TRDN: variants seen among roughly 807,000 people sequenced by gnomAD.
TRDN encodes the protein triadin in skeletal muscle.
Under a neutral mutation model 149.7 loss-of-function variants are expected in TRDN, and 161 were observed. That is an observed-to-expected ratio of 1.08 (90% CI 0.95 to 1.23). TRDN has a LOEUF of 1.23. TRDN is among the 50% of genes most tolerant of loss of function. The pLI is 0.00. For synonymous variants in TRDN, 294 were observed against 250.5 expected, an observed-to-expected ratio of 1.17 and a Z score of -1.64; for missense variants, 896 against 823.5, an observed-to-expected ratio of 1.09 and a Z score of -1.08.
At chr6:123,394,674 C>G (rs1010258190) in intron 12 of TRDN, among the ~76,000 whole-genome samples, 3 of 151,906 alleles carry the variant, frequency 2.0e-5, no homozygotes, top group Admixed American at 6.6e-5. Flanking sequence ...TGCTTTACCT[C>G]TTGTTGGTAA....
chr6:123,471,828 TAAAGA>T (rs141529100), intron 9 of TRDN: 4 of 152,264 alleles, frequency 2.6e-5, no homozygotes, highest in Non-Finnish European at 5.9e-5. Context: ...AATGGCCAAC[TAAAGA>T]AAAGAAATAT....
chr6:123,414,084 A>G (rs538610450), intron 12 of TRDN, among the ~76,000 whole-genome samples: 1 of 152,214 alleles, frequency 6.6e-6, no homozygotes, highest in African/African-American at 2.4e-5. Context: ...AATTTCTCTG[A>G]TCTTCAAGTT....
chr6:123,297,133 TAA>T (rs536555143), intron 24 of TRDN, among the ~76,000 whole-genome samples: 245 of 152,250 alleles, frequency 1.6e-3, no homozygotes, highest in Non-Finnish European at 2.4e-3. Flanking sequence ...TATATTATGC[TAA>T]GTTTTCGAGG....
chr6:123,274,686 G>A lies in TRDN; in HGVS notation c.1568-16C>T, dbSNP rs1303265137. The A allele has an allele frequency of 1.2e-6, 2 of 1,603,348 alleles. No individual in the cohort carries two copies. Among genetic ancestry groups the A allele is most frequent in the East Asian group, 2.2e-5 (1 of 44,544 alleles). On this transcript the variant is annotated splice_polypyrimidine_tract_variant and intron_variant, in intron 26 of 40. Coordinates refer to ENST00000334268, the MANE Select transcript of TRDN (RefSeq NM_006073.4). ...ATTTGGGGCTCTGAGGGAGAGAAAA[G>A]GCAGAAAATTTAAAACCTGAAAAAA...
At chr6:123,345,063 AT>A (rs779308517) in intron 21 of TRDN, among the ~76,000 whole-genome samples, 3 of 151,640 alleles carry the variant, frequency 2.0e-5, no homozygotes, top group Non-Finnish European at 2.9e-5. Flanking sequence ...CAACTTATAT[AT>A]TTTTTTTCTT....
At chr6:123,552,852 CT>C (rs1781464004) in intron 2 of TRDN, among the ~76,000 whole-genome samples, 1 of 152,064 alleles carries the variant, frequency 6.6e-6, no homozygotes, top group African/African-American at 2.4e-5. Flanking sequence ...TTATCAATGC[CT>C]TGCTTTCCCA....
chr6:123,516,995 A>G (rs1779440282), intron 5 of TRDN, among the ~76,000 whole-genome samples: 1 of 152,250 alleles, frequency 6.6e-6, no homozygotes, highest in East Asian at 1.9e-4. Context: ...ACAAGAATAT[A>G]GAAAGAACAC....
chr6:123,530,394 T>C, intron 5 of TRDN, 112 bp downstream of exon 5: 1 of 522,370 alleles, frequency 1.9e-6, no homozygotes, highest in East Asian at 5.3e-5. Flanking sequence ...GTAAATTTAG[T>C]TATTTAATAT....
intron 13 of TRDN, among the ~76,000 whole-genome samples, chr6:123,393,083 G>T (rs997387226): frequency 6.6e-6 from 1 of 152,030 alleles, no homozygotes; most frequent in Admixed American, 6.6e-5. Context: ...CATGGTGTGA[G>T]ACGAAACCAC....
At chr6:123,483,667 A>G (rs1339068530) in intron 9 of TRDN, among the ~76,000 whole-genome samples, 4 of 151,980 alleles carry the variant, frequency 2.6e-5, no homozygotes, top group Non-Finnish European at 2.9e-5. Flanking sequence ...ACCTTCTTCT[A>G]TTTTTCTCCC....
At chr6:123,625,311 C>T (rs1024702191) in intron 1 of TRDN, among the ~76,000 whole-genome samples, 1 of 152,022 alleles carries the variant, frequency 6.6e-6, no homozygotes, top group African/African-American at 2.4e-5. Flanking sequence ...TTGGAGATAC[C>T]ATGCAATAAA....
At chr6:123,611,396 A>G (rs1163571019) in intron 1 of TRDN, among the ~76,000 whole-genome samples, 1 of 152,146 alleles carries the variant, frequency 6.6e-6, no homozygotes, top group Non-Finnish European at 1.5e-5. Flanking sequence ...GGACATTATA[A>G]TCTTTACTAT....
chr6:123,628,864 C>CT (rs1475810313), intron 1 of TRDN, among the ~76,000 whole-genome samples: 1 of 152,030 alleles, frequency 6.6e-6, no homozygotes, highest in Non-Finnish European at 1.5e-5. Context: ...TGACATACTG[C>CT]TTCATAAATC....
chr6:123,465,398 A>G (rs1776724501), intron 9 of TRDN, among the ~76,000 whole-genome samples: 1 of 152,054 alleles, frequency 6.6e-6, no homozygotes, highest in African/African-American at 2.4e-5. Flanking sequence ...TTCTCAAATG[A>G]TATAATATAG....
Position 123,225,871 on chromosome 6 carries a change from C to T in TRDN, c.1976-1740G>A, listed in dbSNP as rs114004193. Among the ~76,000 whole-genome samples, 323 of 151,680 alleles carry T rather than the reference C, an allele frequency of 2.1e-3. 2 individuals carry two copies. The highest frequency in any genetic ancestry group is 7.4e-3 in the African/African-American group (308 of 41,440). On this transcript the variant is annotated intron_variant, in intron 38 of 40. Coordinates refer to ENST00000334268, the MANE Select transcript of TRDN (RefSeq NM_006073.4). ...CTGAGGCAATTCTAATGCAATATAA[C>T]GGAATGATGCTTTAATTTTTAACAT...
chr6:123,395,600 C>T (rs1183684957), intron 12 of TRDN, among the ~76,000 whole-genome samples: 1 of 152,162 alleles, frequency 6.6e-6, no homozygotes, highest in Non-Finnish European at 1.5e-5. Context: ...TTCCCTGCCC[C>T]TCATTGTCCC....
chr6:123,337,685 T>C lies in TRDN; in HGVS notation c.1370-16A>G, dbSNP rs1265211223. The C allele has an allele frequency of 1.4e-6, 2 of 1,433,476 alleles. No homozygotes were observed. The highest frequency in any genetic ancestry group is 1.5e-5 in the African/African-American group (1 of 68,894). 88.8% of individuals were successfully genotyped at this position (1,433,476 alleles called of 1,614,324 possible). A position where few individuals can be genotyped will look rare whatever the true frequency, so the allele number is the denominator to read the frequency against. ...TTTCTAATTTCTGCAAGAGAGATCATGGGAAGAAAAAGTTACAAGGAATAA... is the reference window on the plus strand; with the variant it reads ...TTTCTAATTTCTGCAAGAGAGATCACGGGAAGAAAAAGTTACAAGGAATAA... On this transcript the variant is annotated splice_polypyrimidine_tract_variant and intron_variant, in intron 21 of 40. Coordinates refer to ENST00000334268, the MANE Select transcript of TRDN (RefSeq NM_006073.4).
chr6:123,526,057 A>G (rs1186028912), intron 5 of TRDN, among the ~76,000 whole-genome samples: 1 of 152,104 alleles, frequency 6.6e-6, no homozygotes, highest in Non-Finnish European at 1.5e-5. Context: ...GCAGCCACAG[A>G]AAACTAGTAC....
chr6:123,227,451 C>A (rs1582744130), intron 38 of TRDN, among the ~76,000 whole-genome samples: 1 of 151,800 alleles, frequency 6.6e-6, no homozygotes. Flanking sequence ...AAGTTCAATT[C>A]TCTATGGGTT....
Sources: gnomAD v4.1 joint callset for allele counts (sites outside exome capture counted in the v4.1 genomes callset) on GRCh38, gnomAD v4.1.1 for gene constraint, MANE v1.5 for transcripts, NCBI Gene and HGNC (gene_info 2026-07-23, HGNC 2026-07-21) for gene names.